RBFOX1: variants seen among roughly 807,000 people sequenced by gnomAD.
RBFOX1 encodes RNA binding fox-1 homolog 1, also known as RNA binding protein fox-1 homolog 1.
RBFOX1 carries 8 observed loss-of-function variants against 57.7 expected under a neutral mutation model. That is an observed-to-expected ratio of 0.14 (90% CI 0.08 to 0.25). RBFOX1 has a LOEUF of 0.25. RBFOX1 is among the 10% of genes least tolerant of loss of function. RBFOX1 has a pLI of 1.00. For missense variants in RBFOX1, 611 were observed against 548.5 expected (o/e 1.11, Z -1.14); for synonymous variants, 326 against 222.4 (o/e 1.47, Z -4.15).
At chr16:7,069,333 C>A (rs975414167) in intron 4 of RBFOX1, among the ~76,000 whole-genome samples, 3 of 152,114 alleles carry the variant, frequency 2.0e-5, no homozygotes, top group Non-Finnish European at 2.9e-5. Flanking sequence ...TAGCTGTTTT[C>A]CCTAATGCTC....
intron 3 of RBFOX1, among the ~76,000 whole-genome samples, chr16:6,801,694 A>T (rs756583393): frequency 3.2e-4 from 48 of 152,240 alleles, no homozygotes; most frequent in Admixed American, 9.2e-4. Context: ...CTCGTGGTCT[A>T]ATAATGAGGT....
intron 2 of RBFOX1, among the ~76,000 whole-genome samples, chr16:6,431,263 G>A (rs2094074822): frequency 6.6e-6 from 1 of 152,080 alleles, no homozygotes; most frequent in Non-Finnish European, 1.5e-5. Flanking sequence ...AGGGAGAATA[G>A]AGGATCCTAT....
rs112990200 is a variant in RBFOX1 at position 5,359,644 on chromosome 16, AT to A, written c.220-107565del. 7.2e-3 allele frequency among the ~76,000 whole-genome samples: 1,093 copies of A among 152,124 alleles called. 10 individuals are homozygous for A. Among genetic ancestry groups the A allele is most frequent in the African/African-American group, 0.023 (974 of 41,500 alleles). On this transcript the variant is annotated intron_variant, in intron 1 of 2. Transcript: ENST00000585867. Reference sequence around the variant, plus strand: ...ATATGTCTATTCAAATCTTTTGCCTATTTTTTTGATCAGATTGTTAGACTTT... The same window carrying A: ...ATATGTCTATTCAAATCTTTTGCCTATTTTTTGATCAGATTGTTAGACTTT...
intron 14 of RBFOX1, among the ~76,000 whole-genome samples, chr16:7,707,338 G>A (rs1247303609): frequency 6.6e-6 from 1 of 152,152 alleles, no homozygotes; most frequent in Admixed American, 6.5e-5. Context: ...GGTCAAACAT[G>A]TATTGGATTG....
At chr16:6,375,311 A>C (rs529142337) in intron 2 of RBFOX1, among the ~76,000 whole-genome samples, 16 of 152,192 alleles carry the variant, frequency 1.1e-4, no homozygotes, top group Non-Finnish European at 1.9e-4. Context: ...AACAAAAACA[A>C]AAACCACCTT....
At chr16:5,890,012 C>G (rs532563667) in intron 4 of RBFOX1, among the ~76,000 whole-genome samples, 11 of 152,286 alleles carry the variant, frequency 7.2e-5, no homozygotes, top group African/African-American at 2.4e-4. Flanking sequence ...TGACATGCAG[C>G]AAAGTGGACA....
At chr16:7,299,706 G>A (rs1236208974) in intron 4 of RBFOX1, among the ~76,000 whole-genome samples, 1 of 152,164 alleles carries the variant, frequency 6.6e-6, no homozygotes, top group East Asian at 1.9e-4. Context: ...ACCATCAGGG[G>A]TTGAGACATT....
intron 3 of RBFOX1, among the ~76,000 whole-genome samples, chr16:6,896,091 G>A (rs1596464500): frequency 6.6e-6 from 1 of 152,060 alleles, no homozygotes; most frequent in Admixed American, 6.6e-5. Flanking sequence ...TGGCCAACAT[G>A]GTGAAACCCC....
chr16:6,535,180 A>G (rs548579496), intron 2 of RBFOX1, among the ~76,000 whole-genome samples: 2 of 152,278 alleles, frequency 1.3e-5, no homozygotes, highest in African/African-American at 4.8e-5. Flanking sequence ...CTGTGTGAGC[A>G]CTCAAAGTCT....
chr16:6,045,219 C>T (rs1030267566), intron 1 of RBFOX1, among the ~76,000 whole-genome samples: 3 of 152,108 alleles, frequency 2.0e-5, no homozygotes, highest in Non-Finnish European at 4.4e-5. Flanking sequence ...GATAAACTCC[C>T]GAGCGATGCT....
chr16:5,240,086 C>T lies in RBFOX1; in HGVS notation c.200C>T (p.Thr67Ile), dbSNP rs758223762. 7.2e-6 allele frequency: 11 copies of T among 1,529,976 alleles called. No homozygotes were observed. In the South Asian group the frequency reaches 1.3e-4, roughly 18 times the overall value. 94.8% of individuals were successfully genotyped at this position (1,529,976 alleles called of 1,614,324 possible). A position where few individuals can be genotyped will look rare whatever the true frequency, so the allele number is the denominator to read the frequency against. Residue 67 changes from threonine to isoleucine, a missense_variant, in exon 1 of 3, where the codon ACA becomes ATA. By Grantham distance (89) the Thr-to-Ile change is moderately conservative. Transcript: ENST00000585867. Reference sequence around the variant, plus strand: ...GGCAGGGAGGAGACCGGCACCCAGACAGGTGGCGACGGCAGAGGAGTAAGT... The same window carrying T: ...GGCAGGGAGGAGACCGGCACCCAGATAGGTGGCGACGGCAGAGGAGTAAGT...
intron 3 of RBFOX1, among the ~76,000 whole-genome samples, chr16:6,991,865 G>A (rs1001293624): frequency 6.6e-6 from 1 of 152,152 alleles, no homozygotes; most frequent in African/African-American, 2.4e-5. Context: ...AATGTGCATA[G>A]GAATCACTTC....
chr16:6,359,467 G>A (rs2088001976), intron 2 of RBFOX1, among the ~76,000 whole-genome samples: 1 of 152,118 alleles, frequency 6.6e-6, no homozygotes, highest in African/African-American at 2.4e-5. Flanking sequence ...CCTGATAGGA[G>A]GATTTGCAGT....
intron 3 of RBFOX1, among the ~76,000 whole-genome samples, chr16:5,748,485 C>T (rs890746099): frequency 1.3e-5 from 2 of 152,098 alleles, no homozygotes; most frequent in African/African-American, 4.8e-5. Context: ...GTTAAAGTCT[C>T]CCATTATTAT....
At chr16:7,414,882 T>C (rs1483454019) in intron 4 of RBFOX1, among the ~76,000 whole-genome samples, 3 of 152,198 alleles carry the variant, frequency 2.0e-5, no homozygotes, top group African/African-American at 7.2e-5. Flanking sequence ...CCTTCTAAAA[T>C]GCTGGGATTA....
intron 4 of RBFOX1, among the ~76,000 whole-genome samples, chr16:5,954,989 C>A (rs1422209539): frequency 6.6e-6 from 1 of 151,466 alleles, no homozygotes; most frequent in African/African-American, 2.4e-5. Flanking sequence ...CTAAGAAAGT[C>A]AGTCTTTCTA....
chr16:5,781,705 C>A (rs968403563), intron 3 of RBFOX1, among the ~76,000 whole-genome samples: 1 of 152,180 alleles, frequency 6.6e-6, no homozygotes, highest in African/African-American at 2.4e-5. Context: ...CTAGAATTGC[C>A]CTGTGGGCTA....
chr16:6,119,699 A>G (rs367855519), intron 1 of RBFOX1, among the ~76,000 whole-genome samples: 3 of 152,266 alleles, frequency 2.0e-5, no homozygotes, highest in East Asian at 1.9e-4. Context: ...AAATCATTCC[A>G]CAGGGTATCC....
intron 4 of RBFOX1, among the ~76,000 whole-genome samples, chr16:7,251,797 GGA>G (rs1377214550): frequency 1.3e-5 from 2 of 152,080 alleles, no homozygotes; most frequent in Admixed American, 1.3e-4. Flanking sequence ...AGTGAACCTG[GGA>G]GTGCAGATAT....
Sources: gnomAD v4.1 joint callset for allele counts (sites outside exome capture counted in the v4.1 genomes callset) on GRCh38, gnomAD v4.1.1 for gene constraint, MANE v1.5 for transcripts, NCBI Gene and HGNC (gene_info 2026-07-23, HGNC 2026-07-21) for gene names.